RTTN: variants seen among roughly 807,000 people sequenced by gnomAD.
RTTN encodes the protein rotatin.
RTTN carries 182 observed loss-of-function variants against 269.2 expected under a neutral mutation model. That is an observed-to-expected ratio of 0.68 (90% CI 0.60 to 0.76). RTTN has a LOEUF of 0.76. Ranked by LOEUF, RTTN falls within the 30% of genes least tolerant of loss-of-function variation. The pLI is 0.00. For synonymous variants in RTTN, 1,006 were observed against 963.5 expected (o/e 1.04, Z -0.82); for missense variants, 2,545 against 2,608.6 (o/e 0.98, Z 0.53).
intron 16 of RTTN, 23 bp downstream of exon 16, chr18:70,149,948 A>C (rs753599867): frequency 6.8e-7 from 1 of 1,477,288 alleles, no homozygotes; most frequent in Non-Finnish European, 9.5e-7. Context: ...ATGGTATCAT[A>C]AAAAGTGAAT....
rs539309233 is a variant in RTTN, at chr18:70,085,204, C to A, written c.4374+1409G>T. On this transcript the variant is annotated intron_variant, in intron 32 of 48. Coordinates refer to ENST00000640769, the MANE Select transcript of RTTN (RefSeq NM_173630.4). Reference sequence around the variant, plus strand: ...CTACACTATTAATATAACTATTAATCCTGCATATTCCCTCCAGTTTTGTCT... The same window carrying A: ...CTACACTATTAATATAACTATTAATACTGCATATTCCCTCCAGTTTTGTCT... Among the ~76,000 whole-genome samples the A allele has an allele frequency of 3.9e-5, 6 of 152,230 alleles. No homozygotes were observed. In the East Asian group the frequency reaches 1.2e-3, roughly 29 times the overall value.
intron 39 of RTTN, among the ~76,000 whole-genome samples, chr18:70,049,888 A>G (rs1054407167): frequency 2.6e-5 from 4 of 152,204 alleles, no homozygotes; most frequent in South Asian, 4.1e-4. Flanking sequence ...GTGATGAGAA[A>G]GTTATTTGTA....
chr18:70,160,250 T>C lies in RTTN; in HGVS notation c.1929+5812A>G, dbSNP rs142480506. 8.5e-3 allele frequency among the ~76,000 whole-genome samples: 1,292 copies of C among 152,080 alleles called. 9 individuals are homozygous for C. The highest frequency in any genetic ancestry group is 0.051 in the Middle Eastern group (15 of 294). On this transcript the variant is annotated intron_variant, in intron 14 of 48. Coordinates refer to ENST00000640769, the MANE Select transcript of RTTN (RefSeq NM_173630.4). ...CTAATCCACCACGATCAAGTATGCCTTATCCACTGGATGCAAGGTTGATTC... is the reference window on the plus strand; with the variant it reads ...CTAATCCACCACGATCAAGTATGCCCTATCCACTGGATGCAAGGTTGATTC...
intron 5 of RTTN, among the ~76,000 whole-genome samples, chr18:70,198,656 T>C (rs1025416936): frequency 2.0e-5 from 3 of 152,230 alleles, no homozygotes; most frequent in Non-Finnish European, 4.4e-5. Flanking sequence ...CTCTTGTGGG[T>C]AGCAATCAAT....
At chr18:70,009,936 C>T (rs1246475958) in intron 46 of RTTN, among the ~76,000 whole-genome samples, 2 of 151,966 alleles carry the variant, frequency 1.3e-5, no homozygotes, top group Non-Finnish European at 2.9e-5. Flanking sequence ...AGGTGGCAAT[C>T]TTAGCCTCTG....
In RTTN at chr18:70,065,836, C is replaced by T. The variant is rs1357449377; in HGVS notation, c.4740G>A (p.Val1580=). 1.3e-5 allele frequency: 21 copies of T among 1,588,356 alleles called. No individual in the cohort carries two copies. Among genetic ancestry groups the T allele is most frequent in the Non-Finnish European group, 1.8e-5 (21 of 1,166,458 alleles). ...TCTTCACTAAAAGGATACCTTGAGC[C>T]ACAAACTGGTCATGGGAGGCTTCAG... ...LLPEASHDQF[V]AQGHQESTSP... Residue 1580 remains valine, a synonymous_variant, in exon 35 of 49, where the codon GTG becomes GTA. Transcript: ENST00000640769.
In RTTN at chr18:70,014,416, C is replaced by G. The variant is rs2145484932; in HGVS notation, c.6421+2991G>C. Among the ~76,000 whole-genome samples, 2 of 152,278 alleles carry G rather than the reference C, an allele frequency of 1.3e-5. 1 individual carries two copies. The highest frequency in any genetic ancestry group is 1.3e-4 in the Admixed American group (2 of 15,298). ...TGGTATTTTTATTCTTCTGCTGTTT[C>G]TTACTACATGTTGCCATGTCTCCTA... On this transcript the variant is annotated intron_variant, in intron 46 of 48. Coordinates refer to ENST00000640769, the MANE Select transcript of RTTN (RefSeq NM_173630.4).
At chr18:70,140,032 A>G (rs116739286) in intron 20 of RTTN, 68 bp downstream of exon 20, 16 of 1,022,052 alleles carry the variant, frequency 1.6e-5, no homozygotes, top group Middle Eastern at 2.0e-4. Flanking sequence ...AATTCTGCTC[A>G]GTTCAATTTC....
At chr18:70,184,716 TTGTGTG>T (rs1555776912) in intron 10 of RTTN, among the ~76,000 whole-genome samples, 11 of 33,448 alleles carry the variant, frequency 3.3e-4, no homozygotes, top group African/African-American at 5.1e-4. Context: ...TTTTTTTTTT[TTGTGTG>T]TGTGTGTGTG....
rs750596126 is a variant in RTTN at position 70,024,840 on chromosome 18, A to T, written c.5832T>A (p.Ala1944=). The change falls in exon 44 of 49, where the codon GCT becomes GCA. Residue 1944 remains alanine (A), a synonymous_variant. Coordinates refer to ENST00000640769, the MANE Select transcript of RTTN (RefSeq NM_173630.4). The part of the protein sequence containing the change: ...LYQNEECKEA[A]LEAHLVPVLH... The stretch of plus-strand genomic sequence containing the variant: ...AGACAGGGACAAGGTGAGCTTCAAG[A>T]GCTGCTTCCTGTTGAAGGAAGGGAA... The T allele has an allele frequency of 5.0e-6, 8 of 1,613,356 alleles. No individual in the cohort carries two copies. In the South Asian group the frequency reaches 8.8e-5, roughly 18 times the overall value.
intron 34 of RTTN, among the ~76,000 whole-genome samples, chr18:70,072,837 T>C (rs1203336110): frequency 6.6e-6 from 1 of 152,106 alleles, no homozygotes; most frequent in African/African-American, 2.4e-5. Flanking sequence ...ACTGCTCTTG[T>C]TGAGACAAAG....
intron 21 of RTTN, among the ~76,000 whole-genome samples, chr18:70,137,124 G>A (rs1326692261): frequency 6.6e-6 from 1 of 152,110 alleles, no homozygotes; most frequent in Admixed American, 6.6e-5. Flanking sequence ...AAAACTTTTA[G>A]AATTTGTATA....
At chr18:70,081,810 G>A (rs1347740606) in intron 32 of RTTN, among the ~76,000 whole-genome samples, 1 of 151,908 alleles carries the variant, frequency 6.6e-6, no homozygotes, top group Non-Finnish European at 1.5e-5. Flanking sequence ...ACAGCAGTGG[G>A]ACAACTGAAA....
chr18:70,035,824 A>T (rs2057156212), intron 40 of RTTN, among the ~76,000 whole-genome samples: 1 of 152,228 alleles, frequency 6.6e-6, no homozygotes, highest in Non-Finnish European at 1.5e-5. Context: ...ACAAAGGTCT[A>T]ATATCCAGCA....
At chr18:70,051,716 CT>C (rs1204186476) in intron 38 of RTTN, among the ~76,000 whole-genome samples, 168 bp from the exon 39 acceptor site, 1 of 152,152 alleles carries the variant, frequency 6.6e-6, no homozygotes, top group Non-Finnish European at 1.5e-5. Context: ...TTTCAATTAA[CT>C]TCTTTTCCAT....
At chr18:70,172,666 G>T (rs1444329756) in intron 11 of RTTN, among the ~76,000 whole-genome samples, 2 of 150,902 alleles carry the variant, frequency 1.3e-5, no homozygotes, top group African/African-American at 4.9e-5. Flanking sequence ...TTTTAAAAAC[G>T]GAAACAATAA....
chr18:70,087,969 A>G lies in RTTN; in HGVS notation c.4302+20T>C. The G allele has an allele frequency of 6.2e-7, 1 of 1,606,692 alleles. No individual in the cohort carries two copies. The highest frequency in any genetic ancestry group is 8.5e-7 in the Non-Finnish European group (1 of 1,176,418). On this transcript the variant is annotated intron_variant, in intron 31 of 48. Transcript: ENST00000640769. Reference sequence around the variant, plus strand: ...TCACAAAGAATTTCTAAGGAAAAAAAGGAGAAAAGACAGACATACCTCCCG... The same window carrying G: ...TCACAAAGAATTTCTAAGGAAAAAAGGGAGAAAAGACAGACATACCTCCCG...
intron 14 of RTTN, among the ~76,000 whole-genome samples, chr18:70,158,448 G>A (rs887028430): frequency 6.6e-6 from 1 of 152,088 alleles, no homozygotes; most frequent in African/African-American, 2.4e-5. Flanking sequence ...TCAATGGAGT[G>A]CTAAAAAAGG....
chr18:70,152,048 A>T (rs1193096467), intron 14 of RTTN, among the ~76,000 whole-genome samples: 3 of 152,174 alleles, frequency 2.0e-5, no homozygotes, highest in Non-Finnish European at 4.4e-5. Flanking sequence ...TGCCAAATCC[A>T]ACGTGTTCAT....
Sources: allele counts gnomAD v4.1 joint callset (sites outside exome capture counted in the v4.1 genomes callset), GRCh38; gene constraint gnomAD v4.1.1; transcripts MANE v1.5; gene names NCBI Gene and HGNC (gene_info 2026-07-23, HGNC 2026-07-21).